The following SLX4IP variants were observed in gnomAD, a reference collection of about 807,000 sequenced individuals.
SLX4IP encodes protein SLX4IP.
Under a neutral mutation model 32.9 loss-of-function variants are expected in SLX4IP, and 34 were observed. That is an observed-to-expected ratio of 1.03 (90% CI 0.79 to 1.38). SLX4IP has a LOEUF of 1.38. SLX4IP is among the 40% of genes most tolerant of loss of function. SLX4IP has a pLI of 0.00. For synonymous variants in SLX4IP, 172 were observed against 171.7 expected (o/e 1.00, Z -0.01); for missense variants, 444 against 479.0 (o/e 0.93, Z 0.68).
intron 2 of SLX4IP, among the ~76,000 whole-genome samples, chr20:10,510,723 G>C (rs1195185002): frequency 6.6e-6 from 1 of 151,782 alleles, no homozygotes; most frequent in East Asian, 1.9e-4. Context: ...TCCCGCCTCA[G>C]CCTCCCAAGT....
chr20:10,612,614 C>T (rs938692602), intron 6 of SLX4IP, among the ~76,000 whole-genome samples: 15 of 152,132 alleles, frequency 9.9e-5, no homozygotes, highest in Non-Finnish European at 1.6e-4. Context: ...GGCGTGACCT[C>T]GGCTCACCTC....
chr20:10,495,382 G>T (rs1012199123), intron 2 of SLX4IP, among the ~76,000 whole-genome samples: 2 of 152,106 alleles, frequency 1.3e-5, no homozygotes, highest in African/African-American at 4.8e-5. Flanking sequence ...GATAACCATT[G>T]TTGGAAATTT....
intron 2 of SLX4IP, among the ~76,000 whole-genome samples, chr20:10,553,641 T>G (rs953835278): frequency 6.6e-6 from 1 of 152,226 alleles, no homozygotes; most frequent in African/African-American, 2.4e-5. Context: ...CAAACATTTT[T>G]TATTACAACC....
chr20:10,556,262 A>T lies in SLX4IP; in HGVS notation c.59A>T (p.His20Leu), dbSNP rs1238532204. 6.2e-7 allele frequency: 1 copy of T among 1,613,586 alleles called. No individual in the cohort carries two copies. Residue 20 changes from histidine to leucine, a missense_variant, in exon 3 of 8, where the codon CAT becomes CTT. His to Leu is a moderately conservative substitution (Grantham distance 99). Transcript: ENST00000334534. ...CGNFAVLVDL[H>L]ILPQGSNKDT... Reference sequence around the variant, plus strand: ...AATTTTGCTGTCCTCGTGGATCTTCATATCTTGCCACAAGGTTCAAACAAA... The same window carrying T: ...AATTTTGCTGTCCTCGTGGATCTTCTTATCTTGCCACAAGGTTCAAACAAA...
At chr20:10,578,648 G>A (rs746687209) in intron 4 of SLX4IP, among the ~76,000 whole-genome samples, 2 of 152,114 alleles carry the variant, frequency 1.3e-5, no homozygotes, top group Non-Finnish European at 2.9e-5. Flanking sequence ...ACATATTGAC[G>A]AACTTCCAGA....
intron 2 of SLX4IP, among the ~76,000 whole-genome samples, chr20:10,485,543 G>A (rs1371016203): frequency 6.6e-6 from 1 of 151,740 alleles, no homozygotes; most frequent in Admixed American, 6.6e-5. Context: ...CTTGAACCCA[G>A]GAGGTGGAGT....
intron 2 of SLX4IP, among the ~76,000 whole-genome samples, chr20:10,503,348 G>A (rs1000006587): frequency 6.6e-6 from 1 of 152,160 alleles, no homozygotes; most frequent in African/African-American, 2.4e-5. Context: ...GCCTAGAGGT[G>A]TGGCTGGGTT....
Position 10,601,834 on chromosome 20 carries a change from A to G in SLX4IP, c.405+15A>G. 5 of 1,605,126 alleles carry G rather than the reference A, an allele frequency of 3.1e-6. No homozygotes were observed. The highest frequency in any genetic ancestry group is 4.3e-6 in the Non-Finnish European group (5 of 1,172,116). ...ATGAAGATTTGGTGAGTATGAAAAA[A>G]TTCTATAAACAAATAAGTCTGCTTA... On this transcript the variant is annotated intron_variant, in intron 6 of 7. Coordinates refer to ENST00000334534, the MANE Select transcript of SLX4IP (RefSeq NM_001009608.3).
intron 2 of SLX4IP, among the ~76,000 whole-genome samples, chr20:10,552,431 T>G (rs185450850): frequency 1.4e-3 from 217 of 152,028 alleles, no homozygotes; most frequent in African/African-American, 5.0e-3. Flanking sequence ...ACTTCTGTTT[T>G]CTCATGAGTG....
In SLX4IP at chr20:10,601,769, A is replaced by G. The variant is rs1317679711; in HGVS notation, c.355A>G (p.Ser119Gly). The change falls in exon 6 of 8, where the codon AGT becomes GGT. Residue 119 changes from serine to glycine, a missense_variant. Coordinates refer to ENST00000334534, the MANE Select transcript of SLX4IP (RefSeq NM_001009608.3). Reference sequence around the variant, plus strand: ...CCCTGACAGATTTGTGGTTTGTGTCAGTCAGCTTGCATTCAGTCGTGATCT... The same window carrying G: ...CCCTGACAGATTTGTGGTTTGTGTCGGTCAGCTTGCATTCAGTCGTGATCT... ...VFPDRFVVCVSQLAFSRDLLA... is the reference protein window; with the variant it reads ...VFPDRFVVCVGQLAFSRDLLA... 1 of 1,614,070 alleles carries G rather than the reference A, an allele frequency of 6.2e-7. No individual in the cohort carries two copies. The highest frequency in any genetic ancestry group is 8.5e-7 in the Non-Finnish European group (1 of 1,179,946).
chr20:10,481,861 A>G (rs2065524923), intron 2 of SLX4IP, among the ~76,000 whole-genome samples: 1 of 151,938 alleles, frequency 6.6e-6, no homozygotes, highest in Non-Finnish European at 1.5e-5. Context: ...TTCTAAGTTC[A>G]CTCTTGGGTG....
chr20:10,625,734 C>G lies in SLX4IP; in HGVS notation c.*2355C>G, dbSNP rs1705268483. On this transcript the variant is annotated 3_prime_UTR_variant, in exon 8 of 8. Transcript: ENST00000334534. ...GTAGTTTTCCTCACAGCCCTCACGT[C>G]CCTTCATGTAAAAGGGATTTTAACA... 6.6e-6 allele frequency: 1 copy of G among 152,178 alleles called. No individual in the cohort carries two copies. The highest frequency in any genetic ancestry group is 1.5e-5 in the Non-Finnish European group (1 of 68,036). 9.4% of individuals were successfully genotyped at this position (152,178 alleles called of 1,614,324 possible). A position where few individuals can be genotyped will look rare whatever the true frequency, so the allele number is the denominator to read the frequency against.
chr20:10,610,842 TTTAC>T (rs2066959017), intron 6 of SLX4IP, among the ~76,000 whole-genome samples: 1 of 152,230 alleles, frequency 6.6e-6, no homozygotes, highest in African/African-American at 2.4e-5. Flanking sequence ...TTTTGCCCTT[TTTAC>T]TTAGTTATTA....
chr20:10,478,802 G>A (rs1166242860), intron 2 of SLX4IP, among the ~76,000 whole-genome samples: 1 of 152,154 alleles, frequency 6.6e-6, no homozygotes, highest in Non-Finnish European at 1.5e-5. Flanking sequence ...CTTTGTAAAA[G>A]CTTAATGAAT....
intron 2 of SLX4IP, among the ~76,000 whole-genome samples, chr20:10,516,986 T>C: frequency 6.6e-6 from 1 of 152,236 alleles, no homozygotes; most frequent in East Asian, 1.9e-4. Context: ...CAAGATTATC[T>C]TTTAGGTCAA....
chr20:10,473,808 G>C (rs2065448910), intron 2 of SLX4IP, among the ~76,000 whole-genome samples: 3 of 151,660 alleles, frequency 2.0e-5, no homozygotes, highest in African/African-American at 2.4e-5. Context: ...GTTTCACCAT[G>C]TTGGCCCGGC....
At position 10,626,968 on chromosome 20, in the gene SLX4IP, T is replaced by G. The variant is rs569293283; in HGVS notation, c.*3589T>G. On this transcript the variant is annotated 3_prime_UTR_variant, in exon 8 of 8. Transcript: ENST00000334534. ...GTTTGGATTTTAGCATGGTTTGTTATGCATGTCAGTGGCCTCTGATTTCAG... is the reference window on the plus strand; with the variant it reads ...GTTTGGATTTTAGCATGGTTTGTTAGGCATGTCAGTGGCCTCTGATTTCAG... 2 of 152,350 alleles carry G rather than the reference T, an allele frequency of 1.3e-5. No individual in the cohort carries two copies. The highest frequency in any genetic ancestry group is 4.8e-5 in the African/African-American group (2 of 41,578). 9.4% of individuals were successfully genotyped at this position (152,350 alleles called of 1,614,324 possible). A position where few individuals can be genotyped will look rare whatever the true frequency, so the allele number is the denominator to read the frequency against.
Position 10,627,641 on chromosome 20 carries a change from G to T in SLX4IP, c.*4262G>T, listed in dbSNP as rs1166941594. On this transcript the variant is annotated 3_prime_UTR_variant, in exon 8 of 8. Transcript: ENST00000334534. ...ATTATCTAGAGCTACCCAGTACTGG[G>T]CTTGAATTTAATCATAGTCAAATGT... The T allele has an allele frequency of 6.6e-6, 1 of 152,186 alleles. No homozygotes were observed. The allele number at this position is 152,186 out of a possible 1,614,324, so 9.4% of individuals were successfully genotyped here.
chr20:10,449,696 A>G (rs1251251331), intron 1 of SLX4IP, among the ~76,000 whole-genome samples: 1 of 152,212 alleles, frequency 6.6e-6, no homozygotes, highest in African/African-American at 2.4e-5. Flanking sequence ...TGTGGAAACA[A>G]GTGAAAAAGT....
Sources: allele counts gnomAD v4.1 joint callset (sites outside exome capture counted in the v4.1 genomes callset), GRCh38; gene constraint gnomAD v4.1.1; transcripts MANE v1.5; gene names NCBI Gene and HGNC (gene_info 2026-07-23, HGNC 2026-07-21).